Variants in PCNX2 observed in about 807,000 individuals in gnomAD.
The protein encoded by PCNX2 is pecanex 2.
In PCNX2, 168 loss-of-function variants were observed where a neutral mutation model predicts 223.8. The observed-to-expected ratio is 0.75, with a 90% confidence interval of 0.66 to 0.85. PCNX2 has a LOEUF of 0.85. PCNX2 is among the 40% of genes least tolerant of loss of function. PCNX2 has a pLI of 0.00. For synonymous variants in PCNX2, 1,006 were observed against 1,052.6 expected, an observed-to-expected ratio of 0.96 and a Z score of 0.86; for missense variants, 2,507 against 2,675.5, an observed-to-expected ratio of 0.94 and a Z score of 1.39.
At chr1:233,018,164 AGG>A (rs1670750913) in intron 26 of PCNX2, among the ~76,000 whole-genome samples, 1 of 151,290 alleles carries the variant, frequency 6.6e-6, no homozygotes, top group Non-Finnish European at 1.5e-5. Flanking sequence ...CTAGGGCTAC[AGG>A]TGCAAGCCAC....
chr1:233,017,163 A>ATTC lies in PCNX2; in HGVS notation c.4606-10_4606-9insGAA, dbSNP rs756153227. 3.8e-6 allele frequency: 3 copies of ATTC among 780,298 alleles called. No individual in the cohort carries two copies. In the East Asian group the frequency reaches 1.7e-4, roughly 45 times the overall value. 48.3% of individuals were successfully genotyped at this position (780,298 alleles called of 1,614,324 possible). ...ATATAGTATATTATACTCTGCAGAG[A>ATTC]AAAAGCCAGGAAGATTTTATTTATT... On this transcript the variant is annotated splice_polypyrimidine_tract_variant and intron_variant, in intron 26 of 33. Transcript: ENST00000258229.
At chr1:233,199,707 T>C (rs1680944728) in intron 14 of PCNX2, among the ~76,000 whole-genome samples, 2 of 151,992 alleles carry the variant, frequency 1.3e-5, no homozygotes, top group Admixed American at 6.6e-5. Flanking sequence ...CCTGTCTCTA[T>C]AGGTACACAC....
At chr1:233,268,288 C>T (rs1660453300) in intron 1 of PCNX2, among the ~76,000 whole-genome samples, 1 of 152,168 alleles carries the variant, frequency 6.6e-6, no homozygotes, top group South Asian at 2.1e-4. Context: ...TGGTTTTTAA[C>T]TACAGGCCAA....
At chr1:233,221,380 C>T (rs1221093897) in intron 10 of PCNX2, among the ~76,000 whole-genome samples, 1 of 148,886 alleles carries the variant, frequency 6.7e-6, no homozygotes, top group South Asian at 2.1e-4. Flanking sequence ...AATAAAATTT[C>T]AAAGAAAAAA....
intron 21 of PCNX2, among the ~76,000 whole-genome samples, chr1:233,122,073 T>TAC (rs3033285): frequency 0.11 from 14,616 of 131,332 alleles, 904 homozygotes; most frequent in East Asian, 0.19. Context: ...AGTTAGAAAG[T>TAC]ACACACACAC....
chr1:233,024,488 C>T (rs1464038054), intron 26 of PCNX2, among the ~76,000 whole-genome samples: 2 of 152,186 alleles, frequency 1.3e-5, no homozygotes, highest in Non-Finnish European at 1.5e-5. Context: ...ACACGGCTCT[C>T]GCCTGCCCCT....
At chr1:233,182,301 A>T (rs1244785985) in intron 15 of PCNX2, among the ~76,000 whole-genome samples, 1 of 152,132 alleles carries the variant, frequency 6.6e-6, no homozygotes, top group African/African-American at 2.4e-5. Context: ...CTTGTGTGCC[A>T]TCAATACACA....
intron 1 of PCNX2, among the ~76,000 whole-genome samples, chr1:233,293,396 T>A (rs942138979): frequency 1.3e-5 from 2 of 152,234 alleles, no homozygotes; most frequent in African/African-American, 4.8e-5. Context: ...CACTCTGCTA[T>A]GTACAAGGAA....
chr1:233,162,377 C>T (rs148464778), intron 17 of PCNX2, among the ~76,000 whole-genome samples: 1 of 152,258 alleles, frequency 6.6e-6, no homozygotes, highest in East Asian at 1.9e-4. Context: ...TTTCTCATAT[C>T]GAAGGGATTT....
chr1:233,140,338 A>G lies in PCNX2; in HGVS notation c.3518-483T>C, dbSNP rs150039240. On this transcript the variant is annotated intron_variant, in intron 19 of 33. Coordinates refer to ENST00000258229, the MANE Select transcript of PCNX2 (RefSeq NM_014801.4). The stretch of plus-strand genomic sequence containing the variant: ...TGGGCAATATATGCAAATAAGACAC[A>G]GCTGACTCCCAAACCCCAGCCACTA... Among the ~76,000 whole-genome samples the G allele has an allele frequency of 4.6e-3, 707 of 152,340 alleles. 6 individuals carry two copies. Among genetic ancestry groups the G allele is most frequent in the African/African-American group, 0.016 (648 of 41,590 alleles).
In PCNX2 at chr1:233,054,380, G is replaced by A; in HGVS notation, c.4239C>T (p.Tyr1413=). ...CCAAAATAAAGCAATCGCCAGAGCT[G>A]TAGTTGCCCCAACGTCCAAGAACTA... is the stretch of plus-strand genomic sequence containing the variant. The part of the protein sequence containing the change: ...GDLVLGRWGN[Y]SSGDCFILAS... The change falls in exon 25 of 34, where the codon TAC becomes TAT. Residue 1413 remains tyrosine (Y), a synonymous_variant. Transcript: ENST00000258229. 2 of 1,613,874 alleles carry A rather than the reference G, an allele frequency of 1.2e-6. No individual in the cohort carries two copies. The highest frequency in any genetic ancestry group is 1.7e-6 in the Non-Finnish European group (2 of 1,179,812).
intron 25 of PCNX2, among the ~76,000 whole-genome samples, chr1:233,035,076 A>T (rs1177870224): frequency 1.3e-5 from 2 of 152,212 alleles, no homozygotes; most frequent in Non-Finnish European, 2.9e-5. Flanking sequence ...TTACCAAGAG[A>T]TAAGAGGAAA....
At chr1:233,006,888 G>A (rs1418331395) in intron 28 of PCNX2, among the ~76,000 whole-genome samples, 1 of 152,062 alleles carries the variant, frequency 6.6e-6, no homozygotes, top group Non-Finnish European at 1.5e-5. Context: ...TACTCAGAGT[G>A]TGTGTGCCCA....
At chr1:233,203,956 G>A (rs1419811585) in intron 13 of PCNX2, among the ~76,000 whole-genome samples, 1 of 152,134 alleles carries the variant, frequency 6.6e-6, no homozygotes, top group African/African-American at 2.4e-5. Flanking sequence ...AAATCGACGG[G>A]AAAAAATGTC....
intron 25 of PCNX2, among the ~76,000 whole-genome samples, chr1:233,029,120 G>A (rs1428145629): frequency 6.6e-6 from 1 of 152,144 alleles, no homozygotes; most frequent in East Asian, 1.9e-4. Context: ...TTACAGGTGT[G>A]AGCCACCGTG....
chr1:233,248,170 T>G (rs765629148), intron 8 of PCNX2, among the ~76,000 whole-genome samples: 2 of 152,138 alleles, frequency 1.3e-5, no homozygotes, highest in African/African-American at 4.8e-5. Context: ...AGTAATTAAT[T>G]CAGTTGCCTT....
At chr1:233,124,229 G>A (rs970777212) in intron 21 of PCNX2, among the ~76,000 whole-genome samples, 2 of 152,122 alleles carry the variant, frequency 1.3e-5, no homozygotes, top group African/African-American at 2.4e-5. Context: ...CAGAGCAGAT[G>A]TACTTTCTTA....
intron 10 of PCNX2, among the ~76,000 whole-genome samples, chr1:233,226,800 C>T (rs957759303): frequency 2.6e-5 from 4 of 152,076 alleles, no homozygotes; most frequent in Non-Finnish European, 5.9e-5. Flanking sequence ...ACTTCATCTT[C>T]CCTCCTCTCC....
At chr1:233,119,395 T>A (rs1427577462) in intron 21 of PCNX2, among the ~76,000 whole-genome samples, 4 of 15,136 alleles carry the variant, frequency 2.6e-4, no homozygotes, top group Non-Finnish European at 5.3e-4. Flanking sequence ...CCGTCTCTAC[T>A]AAAAATACAA....
Sources: gnomAD v4.1 joint callset for allele counts (sites outside exome capture counted in the v4.1 genomes callset) on GRCh38, gnomAD v4.1.1 for gene constraint, MANE v1.5 for transcripts, NCBI Gene and HGNC (gene_info 2026-07-23, HGNC 2026-07-21) for gene names.